Variants in KYNU observed in about 807,000 individuals in gnomAD.
KYNU encodes kynureninase, also known as L-kynurenine hydrolase.
KYNU carries 54 observed loss-of-function variants against 59.2 expected under a neutral mutation model. The ratio of observed to expected loss-of-function variants is 0.91; its 90% CI spans 0.73 to 1.14. KYNU has a LOEUF of 1.14. Ranked by LOEUF, KYNU falls within the 50% of genes most tolerant of loss-of-function variation. KYNU has a pLI of 0.00. For missense variants in KYNU, 567 were observed against 554.4 expected, an observed-to-expected ratio of 1.02 and a Z score of -0.23; for synonymous variants, 177 against 192.0, an observed-to-expected ratio of 0.92 and a Z score of 0.65.
intron 4 of KYNU, among the ~76,000 whole-genome samples, chr2:142,945,555 AATAAACTTCCCCAGTTCC>A (rs1683743736): frequency 6.6e-6 from 1 of 152,148 alleles, no homozygotes. Flanking sequence ...TGAGGGTTGG[AATAAACTTCCCCAGTTCC>A]TGTTCATGTT....
intron 1 of KYNU, among the ~76,000 whole-genome samples, chr2:142,879,940 G>T (rs1360533523): frequency 1.4e-5 from 2 of 144,680 alleles, no homozygotes; most frequent in Non-Finnish European, 2.9e-5. Context: ...AACTCAAAGG[G>T]CTGACCTCCC....
At chr2:142,899,719 T>C (rs192831458) in intron 2 of KYNU, among the ~76,000 whole-genome samples, 1 of 152,314 alleles carries the variant, frequency 6.6e-6, no homozygotes, top group Admixed American at 6.5e-5. Flanking sequence ...GAATGATTTG[T>C]AGTTTTATAG....
intron 4 of KYNU, among the ~76,000 whole-genome samples, chr2:142,939,341 T>C (rs1366263713): frequency 6.6e-6 from 1 of 152,110 alleles, no homozygotes; most frequent in Non-Finnish European, 1.5e-5. Flanking sequence ...TGGTGGCTCA[T>C]GCCTGTAATC....
intron 10 of KYNU, among the ~76,000 whole-genome samples, chr2:142,995,459 A>T (rs35568578): frequency 0.078 from 11,825 of 152,182 alleles, 650 homozygotes; most frequent in East Asian, 0.21. Context: ...TTTATGATAC[A>T]TCCTAAAACT....
At position 143,037,020 on chromosome 2, in the gene KYNU, CT is replaced by C. The variant is rs962551055; in HGVS notation, c.1042-3401del. Among the ~76,000 whole-genome samples, 118 of 152,060 alleles carry C rather than the reference CT, an allele frequency of 7.8e-4. 1 individual carries two copies. The highest frequency in any genetic ancestry group is 6.8e-3 in the Middle Eastern group (2 of 294). Reference sequence around the variant, plus strand: ...ACTTTTTAAAAAGATATTAATATGGCTTTTTTTAATAAATACATGTGTATAT... The same window carrying C: ...ACTTTTTAAAAAGATATTAATATGGCTTTTTTAATAAATACATGTGTATAT... On this transcript the variant is annotated intron_variant, in intron 12 of 13. Transcript: ENST00000264170.
In KYNU at chr2:142,883,485, A is replaced by C. The variant is rs575143785; in HGVS notation, c.-19-1864A>C. ...AGTGCTGGGATTACAGGCGTGAGCCACTGCGCCTGGCCCCAAATTTCTTTA... is the reference window on the plus strand; with the variant it reads ...AGTGCTGGGATTACAGGCGTGAGCCCCTGCGCCTGGCCCCAAATTTCTTTA... On this transcript the variant is annotated intron_variant, in intron 1 of 13. Coordinates refer to ENST00000264170, the MANE Select transcript of KYNU (RefSeq NM_003937.3). Among the ~76,000 whole-genome samples the C allele has an allele frequency of 1.6e-3, 248 of 152,128 alleles. 2 individuals are homozygous for C. Among genetic ancestry groups the C allele is most frequent in the African/African-American group, 5.7e-3 (236 of 41,480 alleles).
intron 3 of KYNU, among the ~76,000 whole-genome samples, chr2:142,921,841 CATACATACATACAT>C (rs1682893931): frequency 6.6e-6 from 1 of 151,892 alleles, no homozygotes; most frequent in Non-Finnish European, 1.5e-5. Flanking sequence ...TACATACATA[CATACATACATACAT>C]ACATGTAGTC....
chr2:142,994,807 T>A (rs1685498610), intron 10 of KYNU, among the ~76,000 whole-genome samples: 1 of 152,106 alleles, frequency 6.6e-6, no homozygotes, highest in African/African-American at 2.4e-5. Flanking sequence ...GCTCTGTCTT[T>A]ACTCTCAGCA....
intron 8 of KYNU, among the ~76,000 whole-genome samples, chr2:142,963,760 A>G (rs1028513290): frequency 1.2e-4 from 19 of 152,202 alleles, no homozygotes; most frequent in African/African-American, 3.6e-4. Flanking sequence ...TGAACTTTAT[A>G]TAAATGCATT....
At position 143,054,720 on chromosome 2, in the gene KYNU, C is replaced by T. The variant is rs1382791880; in HGVS notation, c.*12548C>T. ...AGAATAGAGGGGCAATTAAATGATA[C>T]CATAAAGAGTCAAATACAGGGCATG... On this transcript the variant is annotated 3_prime_UTR_variant, in exon 14 of 14. Transcript: ENST00000264170. 2.6e-5 allele frequency: 4 copies of T among 152,162 alleles called. No individual in the cohort carries two copies. Among genetic ancestry groups the T allele is most frequent in the South Asian group, 4.2e-4 (2 of 4,818 alleles). The allele number at this position is 152,162 out of a possible 1,614,324, so 9.4% of individuals were successfully genotyped here.
In KYNU at chr2:142,918,693, C is replaced by T; in HGVS notation, c.254C>T (p.Thr85Ile). ...SLGLQPKMVKTYLEEELDKWA... is the reference protein window; with the variant it reads ...SLGLQPKMVKIYLEEELDKWA... ...GGCCTTCAACCAAAAATGGTTAAAA[C>T]ATATCTTGAAGAAGAACTAGATAAG... The change falls in exon 3 of 14, where the codon ACA becomes ATA. Residue 85 changes from threonine to isoleucine, a missense_variant. Coordinates refer to ENST00000264170, the MANE Select transcript of KYNU (RefSeq NM_003937.3). 1.2e-6 allele frequency: 2 copies of T among 1,609,496 alleles called. No homozygotes were observed. The highest frequency in any genetic ancestry group is 1.7e-6 in the Non-Finnish European group (2 of 1,177,860).
At chr2:143,023,612 A>G (rs1686468977) in intron 10 of KYNU, among the ~76,000 whole-genome samples, 1 of 151,906 alleles carries the variant, frequency 6.6e-6, no homozygotes, top group South Asian at 2.1e-4. Context: ...ACAGCAATTC[A>G]TAACTGTTTT....
At chr2:142,902,400 G>A (rs1254489905) in intron 2 of KYNU, among the ~76,000 whole-genome samples, 1 of 152,120 alleles carries the variant, frequency 6.6e-6, no homozygotes. Flanking sequence ...TTTGCTTTAG[G>A]AGTCCATTTT....
intron 12 of KYNU, 46 bp downstream of exon 12, chr2:143,033,367 T>C (rs1318123291): frequency 1.5e-6 from 2 of 1,323,744 alleles, no homozygotes; most frequent in South Asian, 1.2e-5. Context: ...GCGTTTTTTC[T>C]TGATCTGTTT....
chr2:142,980,060 G>A lies in KYNU; in HGVS notation c.730-5024G>A, dbSNP rs559976038. Among the ~76,000 whole-genome samples, 24 of 152,170 alleles carry A rather than the reference G, an allele frequency of 1.6e-4. 1 individual carries two copies. The South Asian group carries it at 4.8e-3, about 30-fold the overall frequency. Reference sequence around the variant, plus strand: ...TGTGGATTATTCATGATTTTTCTGGGACGGGGTTGGGCAATTCCCAGAACC... The same window carrying A: ...TGTGGATTATTCATGATTTTTCTGGAACGGGGTTGGGCAATTCCCAGAACC... On this transcript the variant is annotated intron_variant, in intron 8 of 13. Coordinates refer to ENST00000264170, the MANE Select transcript of KYNU (RefSeq NM_003937.3).
intron 10 of KYNU, among the ~76,000 whole-genome samples, chr2:143,014,618 G>A (rs1179798038): frequency 2.0e-5 from 3 of 152,148 alleles, no homozygotes; most frequent in African/African-American, 4.8e-5. Context: ...TATATGCACC[G>A]TTTGGTGTTC....
At chr2:142,969,253 C>T (rs184016309) in intron 8 of KYNU, among the ~76,000 whole-genome samples, 1 of 152,110 alleles carries the variant, frequency 6.6e-6, no homozygotes, top group East Asian at 1.9e-4. Flanking sequence ...TATATATATA[C>T]TTGACACATT....
chr2:143,032,427 A>T (rs570535523), intron 11 of KYNU, among the ~76,000 whole-genome samples: 1 of 152,154 alleles, frequency 6.6e-6, no homozygotes, highest in Non-Finnish European at 1.5e-5. Flanking sequence ...CCCACCCTCG[A>T]CATATGGGGA....
chr2:142,880,480 C>A (rs1681257094), intron 1 of KYNU, among the ~76,000 whole-genome samples: 1 of 152,164 alleles, frequency 6.6e-6, no homozygotes, highest in Admixed American at 6.5e-5. Flanking sequence ...TCATGCTTTT[C>A]ATGCTTTAAC....
Sources: allele counts gnomAD v4.1 joint callset (sites outside exome capture counted in the v4.1 genomes callset), GRCh38; gene constraint gnomAD v4.1.1; transcripts MANE v1.5; gene names NCBI Gene and HGNC (gene_info 2026-07-23, HGNC 2026-07-21).